GLYR1: variants seen among roughly 807,000 people sequenced by gnomAD.
GLYR1 encodes cytokine-like nuclear factor N-PAC.
In GLYR1, 21 loss-of-function variants were observed where a neutral mutation model predicts 72.7. The observed-to-expected ratio is 0.29, with a 90% CI of 0.20 to 0.42. The LOEUF (loss-of-function observed/expected upper bound fraction) is 0.42, where lower values mean the gene tolerates loss of function less well. Among genes scored for constraint, GLYR1 ranks in the 10% least tolerant of loss-of-function variants. The pLI is 1.00. For synonymous variants in GLYR1, 392 were observed against 270.2 expected (o/e 1.45, Z -4.42); for missense variants, 594 against 712.1 (o/e 0.83, Z 1.89).
In GLYR1 at chr16:4,847,221, G is replaced by A; in HGVS notation, c.38+7C>T. 6.2e-7 allele frequency: 1 copy of A among 1,604,882 alleles called. No homozygotes were observed. The highest frequency in any genetic ancestry group is 1.1e-5 in the South Asian group (1 of 90,166). On this transcript the variant is annotated splice_region_variant and intron_variant, in intron 1 of 15. Transcript: ENST00000321919. ...GCGTCTCGGTTGGCCCGGCCGCTCG[G>A]ACTCACCACACCAAGTCGCCGAGCC...
At chr16:4,838,899 T>A (rs11076852) in intron 3 of GLYR1, among the ~76,000 whole-genome samples, 12,940 of 152,198 alleles carry the variant, frequency 0.085, 563 homozygotes, top group African/African-American at 0.11. Context: ...AACTCTTCTT[T>A]TTTAAAAGAC....
chr16:4,808,291 G>C (rs1307657348), intron 15 of GLYR1, among the ~76,000 whole-genome samples: 1 of 148,176 alleles, frequency 6.7e-6, no homozygotes, highest in Non-Finnish European at 1.5e-5. Flanking sequence ...ACTATGAAAA[G>C]CCAGGTGTCA....
At chr16:4,832,304 G>A in intron 4 of GLYR1, 83 bp from the exon 5 acceptor site, 1 of 1,531,722 alleles carries the variant, frequency 6.5e-7, no homozygotes, top group East Asian at 2.3e-5. Context: ...GCCATGTGCT[G>A]CTACAGGCAC....
intron 15 of GLYR1, among the ~76,000 whole-genome samples, chr16:4,810,654 G>C (rs2083271500): frequency 8.0e-6 from 1 of 124,872 alleles, no homozygotes; most frequent in Admixed American, 9.7e-5. Flanking sequence ...ACGAGGTCAG[G>C]AGATCGAGAC....
At chr16:4,846,318 A>T in intron 1 of GLYR1, 108 bp from the exon 2 acceptor site, 1 of 1,250,740 alleles carries the variant, frequency 8.0e-7, no homozygotes, top group East Asian at 2.3e-5. Context: ...GCATCCTCAA[A>T]TGCCGAAACA....
intron 3 of GLYR1, among the ~76,000 whole-genome samples, chr16:4,843,223 G>C (rs2085693421): frequency 6.6e-6 from 1 of 152,114 alleles, no homozygotes; most frequent in South Asian, 2.1e-4. Context: ...CTGGAGTGCA[G>C]GGTCTCGAAC....
At chr16:4,808,593 G>A (rs537837670) in intron 15 of GLYR1, among the ~76,000 whole-genome samples, 2 of 149,462 alleles carry the variant, frequency 1.3e-5, no homozygotes, top group South Asian at 2.1e-4. Flanking sequence ...GGTGAAACTC[G>A]GTCTCTAAAA....
intron 15 of GLYR1, among the ~76,000 whole-genome samples, chr16:4,809,878 C>T (rs1567649172): frequency 2.0e-5 from 3 of 151,634 alleles, no homozygotes; most frequent in Non-Finnish European, 2.9e-5. Context: ...GAGCCGAGAT[C>T]GCGACACTGC....
chr16:4,829,405 A>G (rs1357391859), intron 5 of GLYR1, among the ~76,000 whole-genome samples: 1 of 151,838 alleles, frequency 6.6e-6, no homozygotes, highest in African/African-American at 2.4e-5. Flanking sequence ...TCCTGGGCTC[A>G]AGTGATCCTC....
intron 3 of GLYR1, among the ~76,000 whole-genome samples, chr16:4,838,753 A>G (rs1050355340): frequency 2.6e-5 from 4 of 151,698 alleles, no homozygotes; most frequent in Non-Finnish European, 4.4e-5. Flanking sequence ...CGCCCAGCTA[A>G]TTTTTTTGTA....
chr16:4,808,140 G>A (rs1020099341), intron 15 of GLYR1, among the ~76,000 whole-genome samples: 1 of 151,180 alleles, frequency 6.6e-6, no homozygotes, highest in East Asian at 1.9e-4. Flanking sequence ...GGAGGCTGAG[G>A]CAGGAGAATC....
intron 12 of GLYR1, among the ~76,000 whole-genome samples, chr16:4,813,185 G>A (rs554419966): frequency 1.3e-5 from 2 of 151,674 alleles, no homozygotes; most frequent in East Asian, 1.9e-4. Context: ...GGATGGTCTC[G>A]ATCTCCTGAC....
chr16:4,833,046 C>G (rs1203856823), intron 3 of GLYR1, 134 bp from the exon 4 acceptor site: 1 of 711,562 alleles, frequency 1.4e-6, no homozygotes, highest in Non-Finnish European at 2.2e-6. Context: ...CCATTTCTTT[C>G]AAAACATGCT....
intron 7 of GLYR1, 133 bp downstream of exon 7, chr16:4,822,742 G>A: frequency 2.7e-6 from 2 of 734,908 alleles, no homozygotes; most frequent in Non-Finnish European, 4.8e-6. Context: ...CCCATATGGG[G>A]GCTTCTGGGC....
chr16:4,810,160 G>A (rs1339076071), intron 15 of GLYR1, among the ~76,000 whole-genome samples: 2 of 152,056 alleles, frequency 1.3e-5, no homozygotes, highest in Non-Finnish European at 1.5e-5. Flanking sequence ...AAGAAAGCAG[G>A]ATTAAAATAA....
chr16:4,810,302 G>C (rs2083252338), intron 15 of GLYR1, among the ~76,000 whole-genome samples: 1 of 147,532 alleles, frequency 6.8e-6, no homozygotes, highest in Non-Finnish European at 1.5e-5. Flanking sequence ...TTGGAGAACA[G>C]CCTAGCCAAC....
At chr16:4,842,263 C>G (rs144265582) in intron 3 of GLYR1, among the ~76,000 whole-genome samples, 2 of 149,228 alleles carry the variant, frequency 1.3e-5, no homozygotes, top group African/African-American at 4.9e-5. Flanking sequence ...AAAACAACAA[C>G]AAAAAAAAAC....
chr16:4,821,002 C>CCAG (rs1305035003), intron 9 of GLYR1, among the ~76,000 whole-genome samples: 7 of 152,254 alleles, frequency 4.6e-5, no homozygotes, highest in East Asian at 1.9e-4. Flanking sequence ...GTAGCTCTGA[C>CCAG]CAGCAGCAGC....
At position 4,817,612 on chromosome 16, in the gene GLYR1, G is replaced by A. The variant is rs1250661152; in HGVS notation, c.892C>T (p.Arg298Cys). 3.1e-6 allele frequency: 5 copies of A among 1,609,378 alleles called. No homozygotes were observed. Among genetic ancestry groups the A allele is most frequent in the Non-Finnish European group, 4.3e-6 (5 of 1,175,818 alleles). The change falls in exon 10 of 16, where the codon CGC (arginine) becomes TGC (cysteine). Residue 298 changes from arginine (R) to cysteine (C), a missense_variant. By Grantham distance (180) the Arg-to-Cys change is radical. Transcript: ENST00000321919. ...KMGHTVTVWN[R>C]TAEKCDLFIQ... is the part of the protein sequence containing the mutation. ...TGAATGCTTACTTTCTCTGCAGTGCGGTTCCAGACAGTCACTGTGTGACCC... is the reference window on the plus strand; with the variant it reads ...TGAATGCTTACTTTCTCTGCAGTGCAGTTCCAGACAGTCACTGTGTGACCC...
Sources: allele counts gnomAD v4.1 joint callset (sites outside exome capture counted in the v4.1 genomes callset), GRCh38; gene constraint gnomAD v4.1.1; transcripts MANE v1.5; gene names NCBI Gene and HGNC (gene_info 2026-07-23, HGNC 2026-07-21).